HMGB1: variants seen among roughly 807,000 people sequenced by gnomAD.
The protein encoded by HMGB1 is high mobility group protein B1.
For synonymous variants in HMGB1, 81 were observed against 84.0 expected, an observed-to-expected ratio of 0.96 and a Z score of 0.19; for missense variants, 79 against 253.5, an observed-to-expected ratio of 0.31 and a Z score of 4.67.
At chr13:30,583,505 T>C (rs1593326330) in intron 1 of HMGB1, among the ~76,000 whole-genome samples, 1 of 125,364 alleles carries the variant, frequency 8.0e-6, no homozygotes, top group African/African-American at 3.2e-5. Flanking sequence ...CACTTCAGCC[T>C]GGATGAAGTG....
intron 1 of HMGB1, among the ~76,000 whole-genome samples, chr13:30,548,250 G>A (rs377070517): frequency 1.3e-5 from 2 of 152,064 alleles, no homozygotes; most frequent in Non-Finnish European, 1.5e-5. Context: ...GAGATCTGAC[G>A]GTTTTATAAG....
At chr13:30,461,947 A>T (rs1022034409) in intron 4 of HMGB1, among the ~76,000 whole-genome samples, 1 of 152,200 alleles carries the variant, frequency 6.6e-6, no homozygotes, top group Non-Finnish European at 1.5e-5. Flanking sequence ...AAAAAAGGTA[A>T]TTTGTCAATA....
upstream of HMGB1, among the ~76,000 whole-genome samples, chr13:30,470,116 T>C (rs918399267): frequency 2.6e-5 from 4 of 151,790 alleles, no homozygotes; most frequent in Admixed American, 6.6e-5. Flanking sequence ...GGTCTCTCCA[T>C]GTTGCTCAGG....
At chr13:30,606,631 GATA>G (rs1236063099) in intron 1 of HMGB1, among the ~76,000 whole-genome samples, 1 of 152,202 alleles carries the variant, frequency 6.6e-6, no homozygotes, top group East Asian at 1.9e-4. Flanking sequence ...CACTGGGTCT[GATA>G]ATAATATGCT....
chr13:30,518,563 T>G (rs1349033739), intron 1 of HMGB1, among the ~76,000 whole-genome samples: 1 of 152,164 alleles, frequency 6.6e-6, no homozygotes, highest in African/African-American at 2.4e-5. Flanking sequence ...AGTTTCCTCT[T>G]CTGTAAAATA....
At chr13:30,586,353 T>A (rs182770654) in intron 1 of HMGB1, among the ~76,000 whole-genome samples, 241 of 152,290 alleles carry the variant, frequency 1.6e-3, no homozygotes, top group Admixed American at 5.6e-3. Context: ...CTCTAAATGT[T>A]AAGAACATTA....
intron 1 of HMGB1, among the ~76,000 whole-genome samples, chr13:30,546,673 T>A (rs1593303793): frequency 6.6e-6 from 1 of 151,778 alleles, no homozygotes; most frequent in East Asian, 1.9e-4. Flanking sequence ...TTCTTAGAGA[T>A]GGGGTCTTGC....
intron 1 of HMGB1, among the ~76,000 whole-genome samples, chr13:30,578,654 G>A (rs1218290025): frequency 6.6e-6 from 1 of 151,978 alleles, no homozygotes; most frequent in Non-Finnish European, 1.5e-5. Flanking sequence ...CCTAGATTCG[G>A]AACCTCTCTG....
At chr13:30,603,624 T>A (rs188463640) in intron 1 of HMGB1, among the ~76,000 whole-genome samples, 2 of 152,176 alleles carry the variant, frequency 1.3e-5, no homozygotes, top group Admixed American at 6.5e-5. Flanking sequence ...CCTAAGGATA[T>A]CAAAATCTGC....
At position 30,538,777 on chromosome 13, in the gene HMGB1, C is replaced by CTT. The variant is rs376528265; in HGVS notation, c.-14-75084_-14-75083insAA. ...TTTCTTTCTCTTTCTCTCTCTCTTT[C>CTT]CTTCTTTCTTTTTCTTTCTTCCTTT... On this transcript the variant is annotated intron_variant, in intron 1 of 4. Transcript: ENST00000405805. Among the ~76,000 whole-genome samples the CTT allele has an allele frequency of 9.6e-3, 365 of 37,910 alleles. 4 individuals carry two copies. Among genetic ancestry groups the CTT allele is most frequent in the Middle Eastern group, 0.037 (2 of 54 alleles). 24.9% of individuals were successfully genotyped at this position (37,910 alleles called of 152,430 possible). A position where few individuals can be genotyped will look rare whatever the true frequency, so the allele number is the denominator to read the frequency against.
intron 1 of HMGB1, 139 bp from the exon 2 acceptor site, chr13:30,463,833 G>A (rs1886517564): frequency 1.7e-6 from 1 of 602,662 alleles, no homozygotes; most frequent in Non-Finnish European, 2.8e-6. Context: ...AATCAGACAA[G>A]AATATGGCCG....
At chr13:30,476,340 T>G (rs1285571356) in intron 1 of HMGB1, among the ~76,000 whole-genome samples, 2 of 151,904 alleles carry the variant, frequency 1.3e-5, no homozygotes, top group Non-Finnish European at 2.9e-5. Context: ...GGTTTCACCA[T>G]GTTGGCCAGA....
chr13:30,596,353 T>C (rs377744641), intron 1 of HMGB1, among the ~76,000 whole-genome samples: 28 of 152,322 alleles, frequency 1.8e-4, no homozygotes, highest in African/African-American at 6.0e-4. Context: ...TAAGTCTGTC[T>C]TTATAGTGGT....
intron 1 of HMGB1, among the ~76,000 whole-genome samples, chr13:30,538,654 T>TCTTTC (rs1868660479): frequency 1.5e-5 from 1 of 67,596 alleles, no homozygotes; most frequent in Non-Finnish European, 2.5e-5. Context: ...TTTCTTTCTT[T>TCTTTC]CTTTCTTTCC....
intron 1 of HMGB1, among the ~76,000 whole-genome samples, chr13:30,562,936 A>G (rs1870023545): frequency 6.6e-6 from 1 of 152,208 alleles, no homozygotes; most frequent in Non-Finnish European, 1.5e-5. Context: ...TAGCACTAAG[A>G]AGGAAGGAAG....
chr13:30,498,389 A>G (rs1887658906), intron 1 of HMGB1, among the ~76,000 whole-genome samples: 1 of 152,016 alleles, frequency 6.6e-6, no homozygotes, highest in Non-Finnish European at 1.5e-5. Context: ...CTTGGAATTT[A>G]TATTCTCACT....
chr13:30,463,504 TTGTTAGCA>T lies in HMGB1; in HGVS notation c.150+19_150+26del. ...AATTGGAAACTGTCTTTTAATTACC[TTGTTAGCA>T]TGTTTTAAGCCCTCTTACCTTCCAC... is the stretch of plus-strand genomic sequence containing the variant. On this transcript the variant is annotated intron_variant, in intron 2 of 4. Transcript: ENST00000341423. The T allele has an allele frequency of 6.3e-7, 1 of 1,595,606 alleles. No homozygotes were observed. Among genetic ancestry groups the T allele is most frequent in the Non-Finnish European group, 8.5e-7 (1 of 1,172,168 alleles).
intron 1 of HMGB1, among the ~76,000 whole-genome samples, chr13:30,536,304 T>A (rs1566017993): frequency 6.6e-6 from 1 of 152,234 alleles, no homozygotes; most frequent in African/African-American, 2.4e-5. Flanking sequence ...ACTTTTTTTT[T>A]AACTTTTGCT....
chr13:30,525,908 G>GCTGGT (rs1027754083), intron 1 of HMGB1, among the ~76,000 whole-genome samples: 4 of 152,108 alleles, frequency 2.6e-5, no homozygotes, highest in Non-Finnish European at 4.4e-5. Context: ...TGTTGCCCAG[G>GCTGGT]CTGGTCTGGA....
Sources: allele counts gnomAD v4.1 joint callset (sites outside exome capture counted in the v4.1 genomes callset), GRCh38; gene constraint gnomAD v4.1.1; transcripts MANE v1.5; gene names NCBI Gene and HGNC (gene_info 2026-07-23, HGNC 2026-07-21).